Variants in STKLD1 observed in about 807,000 individuals in gnomAD.
The protein encoded by STKLD1 is serine/threonine kinase like domain containing 1, also known as serine/threonine kinase-like domain-containing protein STKLD1.
A neutral mutation model predicts 80.4 loss-of-function variants in STKLD1; 79 were observed. The observed-to-expected ratio is 0.98, with a 90% CI of 0.82 to 1.19. STKLD1 has a LOEUF of 1.19. Ranked by LOEUF, STKLD1 falls within the 50% of genes most tolerant of loss-of-function variation. The pLI is 0.00. For synonymous variants in STKLD1, 393 were observed against 357.6 expected, an observed-to-expected ratio of 1.10 and a Z score of -1.12; for missense variants, 841 against 856.0, an observed-to-expected ratio of 0.98 and a Z score of 0.22.
At position 133,405,325 on chromosome 9, in the gene STKLD1, C is replaced by G. The variant is rs1838825419; in HGVS notation, c.1947C>G (p.Ser649=). ...LLQEIKERFT[S]SLVSDSSAFS... ...AGGAGATCAAGGAGCGCTTCACCTC[C>G]AGCCTGGTGAGTGACAGCAGCGCCT... The change falls in exon 18 of 18, where the codon TCC becomes TCG. Residue 649 remains serine, a synonymous_variant. Coordinates refer to ENST00000371957, the MANE Select transcript of STKLD1 (RefSeq NM_153710.5). 6.2e-7 allele frequency: 1 copy of G among 1,612,962 alleles called. No individual in the cohort carries two copies. The highest frequency in any genetic ancestry group is 8.5e-7 in the Non-Finnish European group (1 of 1,179,914).
intron 7 of STKLD1, among the ~76,000 whole-genome samples, chr9:133,392,146 G>A (rs1222568800): frequency 1.3e-5 from 2 of 149,336 alleles, no homozygotes; most frequent in Non-Finnish European, 3.0e-5. Context: ...GCGCAATCTC[G>A]GCTCACTGCA....
Position 133,405,409 on chromosome 9 carries a change from G to A in STKLD1, c.2031G>A (p.Gly677=). 1 of 1,608,212 alleles carries A rather than the reference G, an allele frequency of 6.2e-7. No individual in the cohort carries two copies. The highest frequency in any genetic ancestry group is 8.5e-7 in the Non-Finnish European group (1 of 1,179,400). Residue 677 remains glycine (G), a synonymous_variant, in exon 18 of 18, where the codon GGG becomes GGA. Coordinates refer to ENST00000371957, the MANE Select transcript of STKLD1 (RefSeq NM_153710.5). ...CCCAGCTGGGGTGCACCACGTCTGG[G>A]GGACTGGAATAGATGTTTGTATGGA... ...GSPQLGCTTS[G]GLE
chr9:133,392,016 T>G (rs2130290769), intron 7 of STKLD1, among the ~76,000 whole-genome samples: 17,774 of 149,570 alleles, frequency 0.12, 1,364 homozygotes, highest in African/African-American at 0.22. Context: ...GCTGGAGAGA[T>G]CAACCACAGA....
rs2130273932 is a variant in STKLD1, at chr9:133,385,161, T to G, written c.220-456T>G. 6.6e-6 allele frequency among the ~76,000 whole-genome samples: 1 copy of G among 152,268 alleles called. No individual in the cohort carries two copies. Among genetic ancestry groups the G allele is most frequent in the East Asian group, 1.9e-4 (1 of 5,180 alleles). On this transcript the variant is annotated intron_variant, in intron 3 of 17. Coordinates refer to ENST00000371957, the MANE Select transcript of STKLD1 (RefSeq NM_153710.5). This position sits in a 1 kb window ranked among gnomAD's most constrained non-coding sequence, Gnocchi z 4.9. ...AAGCAGTTGTCTGTCTGGCTCCATG[T>G]CTCTAAGGCAGCCCTATCTGCTCCT...
At position 133,404,897 on chromosome 9, in the gene STKLD1, T is replaced by C. The variant is rs201750495; in HGVS notation, c.1841T>C (p.Val614Ala). The C allele has an allele frequency of 6.2e-7, 1 of 1,613,362 alleles. No individual in the cohort carries two copies. Among genetic ancestry groups the C allele is most frequent in the East Asian group, 2.2e-5 (1 of 44,850 alleles). Reference protein sequence around the residue: ...HRDDPEVVENVGMLLVHLASY... With the variant: ...HRDDPEVVENAGMLLVHLASY... ...GACGACCCGGAGGTGGTGGAGAACG[T>C]GGGCATGCTGCTGGTCCACCTGGCT... The change falls in exon 17 of 18, where the codon GTG becomes GCG. Residue 614 changes from valine (V) to alanine (A), a missense_variant. By Grantham distance (64) the Val-to-Ala change is moderately conservative. Transcript: ENST00000371957.
Position 133,390,623 on chromosome 9 carries a change from T to C in STKLD1, c.468-58T>C, listed in dbSNP as rs2130286794. 8.5e-5 allele frequency: 112 copies of C among 1,313,532 alleles called. No individual in the cohort carries two copies. The highest frequency in any genetic ancestry group is 1.0e-4 in the Non-Finnish European group (94 of 909,652). 81.4% of individuals were successfully genotyped at this position (1,313,532 alleles called of 1,614,324 possible). On this transcript the variant is annotated intron_variant, in intron 6 of 17. Coordinates refer to ENST00000371957, the MANE Select transcript of STKLD1 (RefSeq NM_153710.5). This position sits in a 1 kb window ranked among gnomAD's most constrained non-coding sequence, Gnocchi z 5.1. ...CACTGGTCCCACCTGGGGTTGTGGG[T>C]GGTGGCTGCCCAGGTGGCCCCTTGG...
chr9:133,404,969 C>A (rs375160218), intron 17 of STKLD1, 40 bp downstream of exon 17: 3 of 1,602,882 alleles, frequency 1.9e-6, no homozygotes, highest in Non-Finnish European at 2.5e-6. Context: ...TAGAGCCCAG[C>A]GGTCAGGGGT....
At chr9:133,392,740 T>TGAGTGGAC (rs1838438095) in intron 7 of STKLD1, among the ~76,000 whole-genome samples, 1 of 74,734 alleles carries the variant, frequency 1.3e-5, no homozygotes, top group African/African-American at 7.2e-5. Context: ...GATGGATGGA[T>TGAGTGGAC]GGATGGATAG....
At chr9:133,392,603 G>GTGGATGGATGGATGGATGGA (rs1245671424) in intron 7 of STKLD1, among the ~76,000 whole-genome samples, 1 of 36,510 alleles carries the variant, frequency 2.7e-5, no homozygotes, top group African/African-American at 1.2e-4. Flanking sequence ...GGATGGATGG[G>GTGGATGGATGGATGGATGGA]TGGATGGATG....
chr9:133,394,462 G>T lies in STKLD1; in HGVS notation c.702+53G>T, dbSNP rs1319946097. 1.5e-6 allele frequency: 2 copies of T among 1,375,752 alleles called. No homozygotes were observed. The highest frequency in any genetic ancestry group is 1.4e-5 in the African/African-American group (1 of 69,856). 85.2% of individuals were successfully genotyped at this position (1,375,752 alleles called of 1,614,324 possible). On this transcript the variant is annotated intron_variant, in intron 8 of 17. Transcript: ENST00000371957. This position sits in a 1 kb window ranked among gnomAD's most constrained non-coding sequence, Gnocchi z 4.9. ...CACATGCTGTTCCCCACGCGCCCAG[G>T]CCTGGGGAAAAGGCTTGGCCTCACC...
chr9:133,399,513 T>C (rs1838642406), intron 11 of STKLD1, among the ~76,000 whole-genome samples: 1 of 152,198 alleles, frequency 6.6e-6, no homozygotes, highest in African/African-American at 2.4e-5. Flanking sequence ...GGGAAGCTGT[T>C]GGGCCCCATC....
chr9:133,394,293 C>T lies in STKLD1; in HGVS notation c.586C>T (p.Pro196Ser), dbSNP rs782440202. The change falls in exon 8 of 18, where the codon CCC becomes TCC. Residue 196 changes from proline to serine, a missense_variant and splice_region_variant. Pro to Ser is a moderately conservative substitution (Grantham distance 74). Coordinates refer to ENST00000371957, the MANE Select transcript of STKLD1 (RefSeq NM_153710.5). This position sits in a 1 kb window ranked among gnomAD's most constrained non-coding sequence, Gnocchi z 4.9. ...AKWNIRAEED[P>S]FRKSWMAPEA... is the part of the protein sequence containing the mutation. ...TCCCACCTTGCTTTTACCAACAGAC[C>T]CCTTTCGTAAGTCCTGGATGGCCCC... The T allele has an allele frequency of 1.1e-5, 17 of 1,610,124 alleles. No individual in the cohort carries two copies. The African/African-American group carries it at 1.7e-4, about 16-fold the overall frequency.
chr9:133,400,441 G>A lies in STKLD1; in HGVS notation c.1110G>A (p.Glu370=), dbSNP rs587631133. The part of the protein sequence containing the change: ...LGLPWPPELV[E]VVVTTMELHD... The stretch of plus-strand genomic sequence containing the variant: ...TGCCGTGGCCCCCGGAGCTGGTGGA[G>A]GTGGTGGTCACGACCATGGAGCTAC... The change falls in exon 12 of 18, where the codon GAG becomes GAA. Residue 370 remains glutamate (E), a synonymous_variant. Coordinates refer to ENST00000371957, the MANE Select transcript of STKLD1 (RefSeq NM_153710.5). The A allele has an allele frequency of 1.9e-6, 3 of 1,613,140 alleles. No individual in the cohort carries two copies. The highest frequency in any genetic ancestry group is 2.2e-5 in the South Asian group (2 of 91,082).
At chr9:133,392,695 GTGGATGAGTGGATGGA>G (rs1344303176) in intron 7 of STKLD1, among the ~76,000 whole-genome samples, 2 of 103,686 alleles carry the variant, frequency 1.9e-5, no homozygotes, top group African/African-American at 9.1e-5. Flanking sequence ...GAGTAGGTGA[GTGGATGAGTGGATGGA>G]TGGATGAGTG....
chr9:133,403,052 G>GC, intron 14 of STKLD1, 40 bp downstream of exon 14: 3 of 1,531,464 alleles, frequency 2.0e-6, no homozygotes, highest in Non-Finnish European at 2.6e-6. Context: ...GGGGCTGGCA[G>GC]CCCTCCCCCA....
chr9:133,398,302 C>T (rs1838613718), intron 11 of STKLD1, among the ~76,000 whole-genome samples: 1 of 152,208 alleles, frequency 6.6e-6, no homozygotes, highest in South Asian at 2.1e-4. Context: ...CACAGACATC[C>T]CATCTTCCCC....
At chr9:133,401,428 G>A (rs914150848) in intron 12 of STKLD1, among the ~76,000 whole-genome samples, 3 of 152,148 alleles carry the variant, frequency 2.0e-5, no homozygotes, top group Non-Finnish European at 4.4e-5. Context: ...GAGCCACCGC[G>A]CGCGGCCACC....
chr9:133,397,103 C>T (rs1838581396), intron 9 of STKLD1, 61 bp from the exon 10 acceptor site: 4 of 1,606,866 alleles, frequency 2.5e-6, no homozygotes, highest in Non-Finnish European at 3.4e-6. Flanking sequence ...GAGGGAGAGC[C>T]CCACGGGGAG....
At position 133,385,695 on chromosome 9, in the gene STKLD1, G is replaced by A; in HGVS notation, c.294+4G>A. ...GTTCATCACGTGGAATGGGGAGGTG[G>A]GTCAGAGCTGACACCTACGGGCTCA... On this transcript the variant is annotated splice_donor_region_variant and intron_variant, in intron 4 of 17. Transcript: ENST00000371957. The surrounding 1 kb of genome is among the most constrained non-coding windows in gnomAD (Gnocchi z 4.9). 1.2e-6 allele frequency: 2 copies of A among 1,612,870 alleles called. No homozygotes were observed. The highest frequency in any genetic ancestry group is 1.7e-6 in the Non-Finnish European group (2 of 1,179,860).
Sources: gnomAD v4.1 joint callset for allele counts (sites outside exome capture counted in the v4.1 genomes callset) on GRCh38, gnomAD v4.1.1 for gene constraint, Gnocchi (gnomAD v3.1) non-coding constraint, MANE v1.5 for transcripts, NCBI Gene and HGNC (gene_info 2026-07-23, HGNC 2026-07-21) for gene names.